Variants in KHDC1 observed in about 807,000 individuals in gnomAD.
KHDC1 encodes the protein KH homology domain-containing protein 1.
In KHDC1, 21 loss-of-function variants were observed where a neutral mutation model predicts 24.7. The observed-to-expected ratio is 0.85, with a 90% CI of 0.60 to 1.23. The LOEUF (loss-of-function observed/expected upper bound fraction) is 1.23. Among genes scored for constraint, KHDC1 ranks in the 50% most tolerant of loss-of-function variants. KHDC1 has a pLI of 0.00. For missense variants in KHDC1, 274 were observed against 298.5 expected, an observed-to-expected ratio of 0.92 and a Z score of 0.61; for synonymous variants, 98 against 111.7, an observed-to-expected ratio of 0.88 and a Z score of 0.77.
intron 1 of KHDC1, among the ~76,000 whole-genome samples, chr6:73,296,007 TG>T (rs1767751620): frequency 6.6e-6 from 1 of 151,402 alleles, no homozygotes; most frequent in African/African-American, 2.4e-5. Context: ...CCAGCCATGG[TG>T]GCAGGCACCT....
At chr6:73,273,403 A>G (rs1364980827) in intron 2 of KHDC1, among the ~76,000 whole-genome samples, 6 of 144,270 alleles carry the variant, frequency 4.2e-5, no homozygotes, top group African/African-American at 1.0e-4. Context: ...CCTGACCTGA[A>G]GTGATCCCCC....
At chr6:73,309,578 A>G in exon 1 of KHDC1, 1 of 1,535,200 alleles carries the variant, frequency 6.5e-7, no homozygotes, top group Non-Finnish European at 8.8e-7. Flanking sequence ...CCAAAGGTGG[A>G]AAGACACTGT....
At chr6:73,260,176 T>C (rs776887245) in intron 2 of KHDC1, among the ~76,000 whole-genome samples, 6 of 152,190 alleles carry the variant, frequency 3.9e-5, no homozygotes, top group Admixed American at 2.0e-4. Context: ...CATATATCCA[T>C]ATAAAAAACA....
intron 2 of KHDC1, chr6:73,274,893 G>T (rs562841266): frequency 6.6e-6 from 1 of 152,612 alleles, no homozygotes; most frequent in Non-Finnish European, 1.5e-5. Flanking sequence ...GATGGGATCT[G>T]TGCACTGCTG....
At chr6:73,254,943 A>G (rs1766854178) in intron 2 of KHDC1, among the ~76,000 whole-genome samples, 1 of 151,914 alleles carries the variant, frequency 6.6e-6, no homozygotes, top group African/African-American at 2.4e-5. Context: ...CAGAGTTTGC[A>G]GTGAGTGGAG....
chr6:73,310,313 G>C (rs1768057792), upstream of KHDC1: 1 of 153,174 alleles, frequency 6.5e-6, no homozygotes, highest in Admixed American at 6.5e-5. Flanking sequence ...TACCGTTCAG[G>C]GATGCTCTCC....
chr6:73,309,611 G>A (rs547364947), exon 1 of KHDC1: 1 of 1,548,698 alleles, frequency 6.5e-7, no homozygotes, highest in Non-Finnish European at 8.7e-7. Flanking sequence ...CATCGCAAGG[G>A]TCTGGAGAAA....
chr6:73,307,934 C>T (rs1768000094), intron 1 of KHDC1, among the ~76,000 whole-genome samples: 1 of 152,124 alleles, frequency 6.6e-6, no homozygotes, highest in Non-Finnish European at 1.5e-5. Flanking sequence ...GAGTCTCGCT[C>T]TGTCGCCCAG....
At chr6:73,284,179 G>A (rs1767473512) in intron 2 of KHDC1, among the ~76,000 whole-genome samples, 1 of 152,178 alleles carries the variant, frequency 6.6e-6, no homozygotes, top group South Asian at 2.1e-4. Context: ...AGGATTATGA[G>A]AGGGCCTGAC....
chr6:73,291,843 A>C (rs1467726192), intron 2 of KHDC1: 7 of 746,876 alleles, frequency 9.4e-6, no homozygotes, highest in Non-Finnish European at 1.6e-5. Flanking sequence ...TGATGGGCAC[A>C]CTGGAAGCCC....
In KHDC1 at chr6:73,295,921, C is replaced by T. The variant is rs536129580; in HGVS notation, c.164-3881G>A. Among the ~76,000 whole-genome samples the T allele has an allele frequency of 8.6e-5, 13 of 150,596 alleles. No homozygotes were observed. In the East Asian group the frequency reaches 2.4e-3, roughly 27 times the overall value. On this transcript the variant is annotated intron_variant, in intron 1 of 4. Transcript: ENST00000370384. ...CTCTGGGAGGCCGAGGTGGGTGGATCACCTGAGGTCAGGAGTTCAAGACCA... is the reference window on the plus strand; with the variant it reads ...CTCTGGGAGGCCGAGGTGGGTGGATTACCTGAGGTCAGGAGTTCAAGACCA...
chr6:73,247,873 AAGAG>A (rs1252860628), intron 2 of KHDC1, among the ~76,000 whole-genome samples: 2 of 151,378 alleles, frequency 1.3e-5, no homozygotes, highest in South Asian at 2.1e-4. Flanking sequence ...AAAAAAAAAA[AAGAG>A]AGAGAGAATC....
At chr6:73,296,597 C>T (rs1007002098) in intron 1 of KHDC1, among the ~76,000 whole-genome samples, 2 of 152,148 alleles carry the variant, frequency 1.3e-5, no homozygotes, top group African/African-American at 4.8e-5. Flanking sequence ...TTATTATACA[C>T]GTATACTTTT....
rs139022545 is a variant in KHDC1, at chr6:73,278,421, G to A, written c.206+13577C>T. Among the ~76,000 whole-genome samples, 617 of 152,030 alleles carry A rather than the reference G, an allele frequency of 4.1e-3. 3 individuals carry two copies. Among genetic ancestry groups the A allele is most frequent in the African/African-American group, 0.013 (551 of 41,484 alleles). On this transcript the variant is annotated intron_variant, in intron 2 of 4. Coordinates refer to ENST00000370384, the Ensembl canonical transcript of KHDC1. The stretch of plus-strand genomic sequence containing the variant: ...TTTTTATTTTTAGAGACAGGGTCTC[G>A]CTACATTGCCCAGGCTGGTCTTGAA...
intron 1 of KHDC1, among the ~76,000 whole-genome samples, chr6:73,304,205 A>T (rs987466473): frequency 6.6e-6 from 1 of 152,136 alleles, no homozygotes; most frequent in African/African-American, 2.4e-5. Context: ...AAATTGTTCT[A>T]CGGTTAGGTA....
At position 73,281,216 on chromosome 6, in the gene KHDC1, G is replaced by A. The variant is rs147142044; in HGVS notation, c.206+10782C>T. Among the ~76,000 whole-genome samples the A allele has an allele frequency of 4.1e-3, 617 of 152,224 alleles. 9 individuals are homozygous for A. Among genetic ancestry groups the A allele is most frequent in the African/African-American group, 0.014 (586 of 41,540 alleles). ...TAGCCAGGCGTGGTGGCACACACCTGTAATCCCAGCTACTCAGGAGGCTAA... is the reference window on the plus strand; with the variant it reads ...TAGCCAGGCGTGGTGGCACACACCTATAATCCCAGCTACTCAGGAGGCTAA... On this transcript the variant is annotated intron_variant, in intron 2 of 4. Coordinates refer to ENST00000370384, the Ensembl canonical transcript of KHDC1.
At chr6:73,270,258 A>G (rs1209828523) in intron 2 of KHDC1, 1 of 152,190 alleles carries the variant, frequency 6.6e-6, no homozygotes, top group East Asian at 1.9e-4. Flanking sequence ...CTTTTCATGC[A>G]TTAATAAAAC....
chr6:73,288,725 G>C (rs1239791384), intron 2 of KHDC1, among the ~76,000 whole-genome samples: 2 of 148,814 alleles, frequency 1.3e-5, no homozygotes, highest in Non-Finnish European at 3.0e-5. Context: ...GTTTAAGGCT[G>C]TAGAAGGGTA....
chr6:73,260,650 G>A (rs952563786), intron 2 of KHDC1, among the ~76,000 whole-genome samples: 5 of 152,102 alleles, frequency 3.3e-5, no homozygotes, highest in African/African-American at 1.2e-4. Flanking sequence ...AATTAATACT[G>A]CCAAATCTAC....
Sources: gnomAD v4.1 joint callset for allele counts (sites outside exome capture counted in the v4.1 genomes callset) on GRCh38, gnomAD v4.1.1 for gene constraint, MANE v1.5 for transcripts, NCBI Gene and HGNC (gene_info 2026-07-23, HGNC 2026-07-21) for gene names.